The following EFCAB6 variants were observed in gnomAD, a reference collection of about 807,000 sequenced individuals.
EFCAB6 encodes EF-hand calcium binding domain 6.
EFCAB6 carries 156 observed loss-of-function variants against 169.8 expected under a neutral mutation model. The observed-to-expected ratio is 0.92, with a 90% CI of 0.81 to 1.05. EFCAB6 has a LOEUF of 1.05. EFCAB6 is among the 50% of genes least tolerant of loss of function. The pLI is 0.00. For synonymous variants in EFCAB6, 698 were observed against 676.4 expected (o/e 1.03, Z -0.50); for missense variants, 1,800 against 1,829.1 (o/e 0.98, Z 0.29).
chr22:43,598,366 A>G (rs964408469), intron 23 of EFCAB6, among the ~76,000 whole-genome samples: 12 of 150,866 alleles, frequency 8.0e-5, no homozygotes, highest in African/African-American at 2.9e-4. Context: ...TAAAGAGTAA[A>G]TTACCAGAGG....
intron 27 of EFCAB6, among the ~76,000 whole-genome samples, chr22:43,549,761 A>G (rs974075876): frequency 6.6e-6 from 1 of 152,252 alleles, no homozygotes; most frequent in African/African-American, 2.4e-5. Flanking sequence ...AAATTATACA[A>G]TAAAAACTTG....
chr22:43,609,047 G>A (rs1384447006), intron 21 of EFCAB6, among the ~76,000 whole-genome samples: 1 of 152,212 alleles, frequency 6.6e-6, no homozygotes, highest in African/African-American at 2.4e-5. Context: ...GCCCTGATGG[G>A]TACAGAAGGT....
At chr22:43,734,754 T>C (rs902018994) in intron 7 of EFCAB6, among the ~76,000 whole-genome samples, 2 of 152,102 alleles carry the variant, frequency 1.3e-5, no homozygotes, top group African/African-American at 4.8e-5. Flanking sequence ...AAGAAAAACA[T>C]ACTCAAAAGA....
At position 43,658,066 on chromosome 22, in the gene EFCAB6, T is replaced by TA. The variant is rs201935484; in HGVS notation, c.1983+9037dup. On this transcript the variant is annotated intron_variant, in intron 17 of 31. Coordinates refer to ENST00000262726, the MANE Select transcript of EFCAB6 (RefSeq NM_022785.4). The stretch of plus-strand genomic sequence containing the variant: ...CAACATGGTGAAACCCCGTCTCTAC[T>TA]AAAAATACAAAAATTATCCGGGTAT... Among the ~76,000 whole-genome samples, 1,303 of 152,040 alleles carry TA rather than the reference T, an allele frequency of 8.6e-3. 18 individuals carry two copies. The highest frequency in any genetic ancestry group is 0.03 in the African/African-American group (1,232 of 41,466).
At chr22:43,736,134 A>ATTTT in intron 6 of EFCAB6, 141 bp from the exon 7 acceptor site, 2 of 782,600 alleles carry the variant, frequency 2.6e-6, no homozygotes, top group Non-Finnish European at 3.7e-6. Context: ...CATGGCAAAA[A>ATTTT]TGACATGTCT....
chr22:43,642,853 AAAT>A (rs1440100712), intron 17 of EFCAB6, among the ~76,000 whole-genome samples: 12 of 152,168 alleles, frequency 7.9e-5, no homozygotes, highest in African/African-American at 2.9e-4. Flanking sequence ...GAGTGCAGAT[AAAT>A]AATGGGATTT....
At chr22:43,643,133 A>C (rs1226633589) in intron 17 of EFCAB6, among the ~76,000 whole-genome samples, 3 of 152,326 alleles carry the variant, frequency 2.0e-5, no homozygotes, top group African/African-American at 7.2e-5. Context: ...CATTTGATTG[A>C]GGAGCTACCA....
chr22:43,714,196 A>T (rs1165980027), intron 9 of EFCAB6, among the ~76,000 whole-genome samples: 4 of 152,210 alleles, frequency 2.6e-5, no homozygotes, highest in South Asian at 2.1e-4. Flanking sequence ...TTAGTATTAA[A>T]GGAGTGCCGT....
chr22:43,646,797 A>G (rs920028629), intron 17 of EFCAB6, among the ~76,000 whole-genome samples: 1 of 152,274 alleles, frequency 6.6e-6, no homozygotes, highest in Non-Finnish European at 1.5e-5. Flanking sequence ...GTTAGCATAT[A>G]TTAAACTTTT....
intron 10 of EFCAB6, among the ~76,000 whole-genome samples, chr22:43,706,580 G>C (rs895199837): frequency 2.0e-5 from 3 of 152,196 alleles, no homozygotes; most frequent in Non-Finnish European, 4.4e-5. Context: ...TTTATTGACT[G>C]ACTGGGCAAA....
intron 22 of EFCAB6, 50 bp downstream of exon 22, chr22:43,608,432 C>T (rs922540226): frequency 2.0e-6 from 3 of 1,529,250 alleles, no homozygotes; most frequent in Non-Finnish European, 2.7e-6. Context: ...CCACAGCAAG[C>T]ACCCCTAGTC....
chr22:43,640,680 C>T (rs1048176812), intron 17 of EFCAB6, among the ~76,000 whole-genome samples: 1 of 152,212 alleles, frequency 6.6e-6, no homozygotes, highest in Non-Finnish European at 1.5e-5. Flanking sequence ...CTCACTCTTG[C>T]TATTCCCATC....
chr22:43,583,639 C>A (rs1229808077), intron 24 of EFCAB6, among the ~76,000 whole-genome samples: 1 of 151,974 alleles, frequency 6.6e-6, no homozygotes, highest in Non-Finnish European at 1.5e-5. Context: ...GTGATTAGGT[C>A]ATGAAAACCG....
chr22:43,784,662 T>TATGTGTATATATAC (rs2061999891), intron 2 of EFCAB6, among the ~76,000 whole-genome samples: 6 of 84,606 alleles, frequency 7.1e-5, no homozygotes, highest in African/African-American at 2.8e-4. Context: ...TGTGTATATA[T>TATGTGTATATATAC]ACATATACAT....
intron 2 of EFCAB6, among the ~76,000 whole-genome samples, chr22:43,784,509 A>ATGTGTG (rs1203684052): frequency 1.1e-5 from 1 of 94,402 alleles, no homozygotes; most frequent in Non-Finnish European, 2.3e-5. Flanking sequence ...AAAAATATAT[A>ATGTGTG]TATGTGTGTG....
chr22:43,670,135 G>A (rs1177240722), intron 15 of EFCAB6, among the ~76,000 whole-genome samples: 3 of 152,168 alleles, frequency 2.0e-5, no homozygotes, highest in African/African-American at 4.8e-5. Context: ...TATAACTGCT[G>A]TAACCTCATT....
chr22:43,713,533 G>T lies in EFCAB6; in HGVS notation c.883-1910C>A, dbSNP rs1603265704. On this transcript the variant is annotated intron_variant, in intron 9 of 31. Coordinates refer to ENST00000262726, the MANE Select transcript of EFCAB6 (RefSeq NM_022785.4). ...CAGGAGTGCTCACGTGCTTCTGGTG[G>T]GAGTGTAAATCAATATGGTGGCAAG... Among the ~76,000 whole-genome samples, 4 of 152,124 alleles carry T rather than the reference G, an allele frequency of 2.6e-5. 1 individual carries two copies. The highest frequency in any genetic ancestry group is 2.6e-4 in the Admixed American group (4 of 15,272).
At chr22:43,761,666 T>G (rs1300979152) in intron 5 of EFCAB6, among the ~76,000 whole-genome samples, 1 of 152,280 alleles carries the variant, frequency 6.6e-6, no homozygotes, top group East Asian at 1.9e-4. Flanking sequence ...TTTGGAGACC[T>G]GATTCTATTG....
chr22:43,652,818 G>GAA (rs61363072), intron 17 of EFCAB6, among the ~76,000 whole-genome samples: 1 of 147,120 alleles, frequency 6.8e-6, no homozygotes, highest in African/African-American at 2.5e-5. Flanking sequence ...GGAAATACCA[G>GAA]AAAAAAAAAA....
Sources: allele counts gnomAD v4.1 joint callset (sites outside exome capture counted in the v4.1 genomes callset), GRCh38; gene constraint gnomAD v4.1.1; transcripts MANE v1.5; gene names NCBI Gene and HGNC (gene_info 2026-07-23, HGNC 2026-07-21).